Variants in SYTL1 observed in about 807,000 individuals in gnomAD.
SYTL1 encodes the protein synaptotagmin-like protein 1.
SYTL1 carries 53 observed loss-of-function variants against 74.6 expected under a neutral mutation model. That is an observed-to-expected ratio of 0.71 (90% CI 0.57 to 0.89). SYTL1 has a LOEUF of 0.89. SYTL1 is among the 40% of genes least tolerant of loss of function. The probability of loss-of-function intolerance (pLI) is 0.00; values close to 1 mark genes in which losing one functional copy is unlikely to be tolerated. For missense variants in SYTL1, 728 were observed against 768.7 expected, an observed-to-expected ratio of 0.95 and a Z score of 0.63; for synonymous variants, 329 against 324.9, an observed-to-expected ratio of 1.01 and a Z score of -0.14.
Position 27,343,602 on chromosome 1 carries a change from A to T in SYTL1, c.-39+1452A>T, listed in dbSNP as rs540191840. ...GGAGTGAGCAGATGTGTGTGTGTGT[A>T]CGTGTGTGTGTGTGTGTATCTGTCT... On this transcript the variant is annotated intron_variant, in intron 1 of 14. Transcript: ENST00000616558. The surrounding 1 kb of genome is among the most constrained non-coding windows in gnomAD (Gnocchi z 5.2). Among the ~76,000 whole-genome samples, 4 of 142,006 alleles carry T rather than the reference A, an allele frequency of 2.8e-5. No individual in the cohort carries two copies. In the East Asian group the frequency reaches 8.2e-4, roughly 29 times the overall value. The allele number at this position is 142,006 out of a possible 152,430, so 93.2% of individuals were successfully genotyped here.
chr1:27,345,287 C>T lies in SYTL1; in HGVS notation c.-38-10C>T. The stretch of plus-strand genomic sequence containing the variant: ...TGCAGGGCTTGACCTGACCCTCGGT[C>T]TGCCCCCAGGAAGCTCCGTGTGCCC... On this transcript the variant is annotated splice_polypyrimidine_tract_variant and intron_variant, in intron 1 of 14. Coordinates refer to ENST00000616558, the MANE Select transcript of SYTL1 (RefSeq NM_001193308.2). The surrounding 1 kb of genome is among the most constrained non-coding windows in gnomAD (Gnocchi z 6.0). 1 of 1,393,028 alleles carries T rather than the reference C, an allele frequency of 7.2e-7. No homozygotes were observed. The highest frequency in any genetic ancestry group is 3.1e-5 in the Admixed American group (1 of 32,702). The allele number at this position is 1,393,028 out of a possible 1,614,324, so 86.3% of individuals were successfully genotyped here.
chr1:27,351,520 G>A lies in SYTL1; in HGVS notation c.1308G>A (p.Pro436=). 1.3e-6 allele frequency: 2 copies of A among 1,548,208 alleles called. No individual in the cohort carries two copies. Among genetic ancestry groups the A allele is most frequent in the African/African-American group, 1.4e-5 (1 of 73,092 alleles). The change falls in exon 13 of 15, where the codon CCG becomes CCA. Residue 436 remains proline (P), a synonymous_variant. Coordinates refer to ENST00000616558, the MANE Select transcript of SYTL1 (RefSeq NM_001193308.2). The surrounding 1 kb of genome is among the most constrained non-coding windows in gnomAD (Gnocchi z 5.0). ...FWVKEARDLL[P]LRAGSLDTYV... ...TGAAGGAGGCTCGGGACCTCCTGCC[G>A]CTGCGGGCAGGATCCCTGGACACTT...
Position 27,345,017 on chromosome 1 carries a change from T to C in SYTL1, c.-38-280T>C. 1 of 218,386 alleles carries C rather than the reference T, an allele frequency of 4.6e-6. No homozygotes were observed. Among genetic ancestry groups the C allele is most frequent in the Non-Finnish European group, 9.0e-6 (1 of 110,944 alleles). 13.5% of individuals were successfully genotyped at this position (218,386 alleles called of 1,614,324 possible). On this transcript the variant is annotated intron_variant, in intron 1 of 14. Coordinates refer to ENST00000616558, the MANE Select transcript of SYTL1 (RefSeq NM_001193308.2). The surrounding 1 kb of genome is among the most constrained non-coding windows in gnomAD (Gnocchi z 6.0). ...ATCTATGCCTACATGGACCCGCGTGTGCACATGTGTCTGTGTGTTCCATCG... is the reference window on the plus strand; with the variant it reads ...ATCTATGCCTACATGGACCCGCGTGCGCACATGTGTCTGTGTGTTCCATCG...
rs144617341 is a variant in SYTL1 at position 27,350,413 on chromosome 1, G to A, written c.933G>A (p.Pro311=). 10 of 1,613,972 alleles carry A rather than the reference G, an allele frequency of 6.2e-6. No homozygotes were observed. Among genetic ancestry groups the A allele is most frequent in the Non-Finnish European group, 8.5e-6 (10 of 1,180,000 alleles). ...SDPYVKSYLL[P]DKQSKRKTAV... ...GCTACGTCAAAAGCTACCTCCTCCCGGATAAGCAGAGCAAGCGCAAGACGG... is the reference window on the plus strand; with the variant it reads ...GCTACGTCAAAAGCTACCTCCTCCCAGATAAGCAGAGCAAGCGCAAGACGG... Residue 311 remains proline (P), a synonymous_variant, in exon 10 of 15, where the codon CCG becomes CCA. Transcript: ENST00000616558. This position sits in a 1 kb window ranked among gnomAD's most constrained non-coding sequence, Gnocchi z 6.3.
Position 27,351,877 on chromosome 1 carries a change from G to C in SYTL1, c.1343+322G>C. The C allele has an allele frequency of 3.7e-6, 1 of 270,130 alleles. No individual in the cohort carries two copies. The highest frequency in any genetic ancestry group is 9.4e-5 in the South Asian group (1 of 10,694). 16.7% of individuals were successfully genotyped at this position (270,130 alleles called of 1,614,324 possible). On this transcript the variant is annotated intron_variant, in intron 13 of 14. Transcript: ENST00000616558. The surrounding 1 kb of genome is among the most constrained non-coding windows in gnomAD (Gnocchi z 5.0). Reference sequence around the variant, plus strand: ...CTTATAGTTCAGTGTAAGCTTCTAGGGGACTTCTAGGGGTGCCTCCAGGTG... The same window carrying C: ...CTTATAGTTCAGTGTAAGCTTCTAGCGGACTTCTAGGGGTGCCTCCAGGTG...
At chr1:27,346,222 GAC>G (rs2014997728) in intron 2 of SYTL1, among the ~76,000 whole-genome samples, 2 of 151,984 alleles carry the variant, frequency 1.3e-5, no homozygotes, top group Non-Finnish European at 2.9e-5. Context: ...ACTCCGACCC[GAC>G]ACACAGACAC....
Position 27,347,733 on chromosome 1 carries a change from C to A in SYTL1, c.341-75C>A. 1 of 1,545,474 alleles carries A rather than the reference C, an allele frequency of 6.5e-7. No individual in the cohort carries two copies. Among genetic ancestry groups the A allele is most frequent in the East Asian group, 2.3e-5 (1 of 44,288 alleles). ...CCGTGGGCATGGGGTGGGTGGGTAT[C>A]TCCCAGGGCCTCTCCCGAGTCACAG... On this transcript the variant is annotated intron_variant, in intron 3 of 14. Transcript: ENST00000616558. The surrounding 1 kb of genome is among the most constrained non-coding windows in gnomAD (Gnocchi z 4.9).
At position 27,351,427 on chromosome 1, in the gene SYTL1, G is replaced by A; in HGVS notation, c.1244-29G>A. 1.3e-6 allele frequency: 2 copies of A among 1,510,294 alleles called. No individual in the cohort carries two copies. The highest frequency in any genetic ancestry group is 1.8e-6 in the Non-Finnish European group (2 of 1,124,768). The allele number at this position is 1,510,294 out of a possible 1,614,324, so 93.6% of individuals were successfully genotyped here. A position where few individuals can be genotyped will look rare whatever the true frequency, so the allele number is the denominator to read the frequency against. ...TTTGGGGGCGGTGGACTCCATCCGTGTGCGGGCCTGAGCCGAGCCTCTCCG... is the reference window on the plus strand; with the variant it reads ...TTTGGGGGCGGTGGACTCCATCCGTATGCGGGCCTGAGCCGAGCCTCTCCG... On this transcript the variant is annotated intron_variant, in intron 12 of 14. Coordinates refer to ENST00000616558, the MANE Select transcript of SYTL1 (RefSeq NM_001193308.2). The surrounding 1 kb of genome is among the most constrained non-coding windows in gnomAD (Gnocchi z 5.0).
Position 27,342,821 on chromosome 1 carries a change from G to C in SYTL1, c.-39+671G>C, listed in dbSNP as rs1278298366. Reference sequence around the variant, plus strand: ...CACAACAGGGCACAGAGAGGGACGTGGGCTCACACCCCAATCCACAGGGGA... The same window carrying C: ...CACAACAGGGCACAGAGAGGGACGTCGGCTCACACCCCAATCCACAGGGGA... On this transcript the variant is annotated intron_variant, in intron 1 of 14. Transcript: ENST00000616558. This position sits in a 1 kb window ranked among gnomAD's most constrained non-coding sequence, Gnocchi z 4.7. Among the ~76,000 whole-genome samples, 3 of 151,840 alleles carry C rather than the reference G, an allele frequency of 2.0e-5. No homozygotes were observed. Among genetic ancestry groups the C allele is most frequent in the Non-Finnish European group, 4.4e-5 (3 of 67,884 alleles).
In SYTL1 at chr1:27,351,396, C is replaced by T. The variant is rs994667935; in HGVS notation, c.1243+60C>T. ...CCCTGAAAAGCGGGAGACTCCAGTC[C>T]CCGGGTTTGGGGGCGGTGGACTCCA... On this transcript the variant is annotated intron_variant, in intron 12 of 14. Transcript: ENST00000616558. The surrounding 1 kb of genome is among the most constrained non-coding windows in gnomAD (Gnocchi z 5.0). 6.6e-7 allele frequency: 1 copy of T among 1,507,838 alleles called. No individual in the cohort carries two copies. Among genetic ancestry groups the T allele is most frequent in the Non-Finnish European group, 8.9e-7 (1 of 1,123,024 alleles). The allele number at this position is 1,507,838 out of a possible 1,614,324, so 93.4% of individuals were successfully genotyped here. A position where few individuals can be genotyped will look rare whatever the true frequency, so the allele number is the denominator to read the frequency against.
rs746523944 is a variant in SYTL1 at position 27,350,937 on chromosome 1, C to T, written c.1149C>T (p.Leu383=). The T allele has an allele frequency of 1.1e-5, 18 of 1,613,142 alleles. No individual in the cohort carries two copies. Among genetic ancestry groups the T allele is most frequent in the African/African-American group, 4.0e-5 (3 of 75,020 alleles). ...TWDWGSEPTW[L]PLQPRVPPSP... ...ACTGGGGCTCTGAGCCCACCTGGCTCCCCCTGCAGCCCCGGGTGAGGCAGC... is the reference window on the plus strand; with the variant it reads ...ACTGGGGCTCTGAGCCCACCTGGCTTCCCCTGCAGCCCCGGGTGAGGCAGC... The change falls in exon 11 of 15, where the codon CTC becomes CTT. Residue 383 remains leucine, a synonymous_variant. Coordinates refer to ENST00000616558, the MANE Select transcript of SYTL1 (RefSeq NM_001193308.2). This position sits in a 1 kb window ranked among gnomAD's most constrained non-coding sequence, Gnocchi z 6.3.
Position 27,350,475 on chromosome 1 carries a change from A to G in SYTL1, c.995A>G (p.Glu332Gly), listed in dbSNP as rs757619559. The change falls in exon 10 of 15, where the codon GAG (glutamate) becomes GGG (glycine). Residue 332 changes from glutamate (E) to glycine (G), a missense_variant. By Grantham distance (98) the Glu-to-Gly change is moderately conservative. Coordinates refer to ENST00000616558, the MANE Select transcript of SYTL1 (RefSeq NM_001193308.2). The surrounding 1 kb of genome is among the most constrained non-coding windows in gnomAD (Gnocchi z 6.3). ...KKRNLNPVFNETLRYSVPQAE... is the reference protein window; with the variant it reads ...KKRNLNPVFNGTLRYSVPQAE... ...CGGAATCTGAATCCGGTTTTCAACGAGACTCTCCGGGTGAGGCTGTGACCA... is the reference window on the plus strand; with the variant it reads ...CGGAATCTGAATCCGGTTTTCAACGGGACTCTCCGGGTGAGGCTGTGACCA... 3 of 1,613,112 alleles carry G rather than the reference A, an allele frequency of 1.9e-6. No individual in the cohort carries two copies. Among genetic ancestry groups the G allele is most frequent in the Admixed American group, 1.7e-5 (1 of 60,002 alleles).
At position 27,343,564 on chromosome 1, in the gene SYTL1, T is replaced by C. The variant is rs1219033452; in HGVS notation, c.-39+1414T>C. On this transcript the variant is annotated intron_variant, in intron 1 of 14. Transcript: ENST00000616558. The surrounding 1 kb of genome is among the most constrained non-coding windows in gnomAD (Gnocchi z 5.2). Reference sequence around the variant, plus strand: ...GCAGGAGGGGACCCAGGCTGTGAGGTTCCTGGTGCGGGGGAGTGAGCAGAT... The same window carrying C: ...GCAGGAGGGGACCCAGGCTGTGAGGCTCCTGGTGCGGGGGAGTGAGCAGAT... Among the ~76,000 whole-genome samples the C allele has an allele frequency of 6.7e-6, 1 of 149,234 alleles. No homozygotes were observed. Among genetic ancestry groups the C allele is most frequent in the African/African-American group, 2.5e-5 (1 of 40,342 alleles).
At position 27,353,921 on chromosome 1, in the gene SYTL1, T is replaced by G. The variant is rs1202746826; in HGVS notation, c.*69T>G. ...CCTTGGCTAAAGTCAATAAAGTCTA[T>G]TCTAAGAGCAATAAAAGGCTGGTGT... On this transcript the variant is annotated 3_prime_UTR_variant, in exon 15 of 15. Coordinates refer to ENST00000616558, the MANE Select transcript of SYTL1 (RefSeq NM_001193308.2). 7.0e-7 allele frequency: 1 copy of G among 1,432,902 alleles called. No homozygotes were observed. The highest frequency in any genetic ancestry group is 1.4e-5 in the African/African-American group (1 of 70,504). The allele number at this position is 1,432,902 out of a possible 1,614,324, so 88.8% of individuals were successfully genotyped here.
At chr1:27,349,206 G>C in intron 6 of SYTL1, 54 bp downstream of exon 6, 1 of 1,574,290 alleles carries the variant, frequency 6.4e-7, no homozygotes, top group Non-Finnish European at 8.7e-7. Flanking sequence ...GTCAGAGGCA[G>C]CTCTAAGGGG....
In SYTL1 at chr1:27,353,314, C is replaced by G. The variant is rs200249506; in HGVS notation, c.1375C>G (p.Arg459Gly). Residue 459 changes from arginine (R) to glycine (G), a missense_variant, in exon 14 of 15, where the codon CGC becomes GGC. Arg to Gly is a moderately radical substitution (Grantham distance 125, BLOSUM62 -2). Coordinates refer to ENST00000616558, the MANE Select transcript of SYTL1 (RefSeq NM_001193308.2). ...GCTGCCTGATGACAGCCAGGCCAGC[C>G]GCCAGCGTACAAGGGTTGTGCGACG... ...FVLPDDSQAS[R>G]QRTRVVRRSL... The G allele has an allele frequency of 6.2e-7, 1 of 1,604,282 alleles. No individual in the cohort carries two copies. The highest frequency in any genetic ancestry group is 2.3e-5 in the East Asian group (1 of 44,394).
At chr1:27,349,854 C>A in intron 8 of SYTL1, 89 bp downstream of exon 8, 1 of 1,534,474 alleles carries the variant, frequency 6.5e-7, no homozygotes, top group South Asian at 1.2e-5. Flanking sequence ...GCCGCGGGAC[C>A]CACCGCTGCA....
chr1:27,349,433 G>A lies in SYTL1; in HGVS notation c.568G>A (p.Glu190Lys), dbSNP rs1219615452. 5 of 1,453,024 alleles carry A rather than the reference G, an allele frequency of 3.4e-6. No individual in the cohort carries two copies. Among genetic ancestry groups the A allele is most frequent in the East Asian group, 2.5e-5 (1 of 39,776 alleles). 90.0% of individuals were successfully genotyped at this position (1,453,024 alleles called of 1,614,324 possible). ...AGGAGACCAACAGGTCTGTGCCGAG[G>A]AGGCTGACCCGGAGCTGGAGCCCGC... ...GQGDQQVCAE[E>K]ADPELEPASG... is the part of the protein sequence containing the mutation. The change falls in exon 7 of 15, where the codon GAG (glutamate) becomes AAG (lysine). Residue 190 changes from glutamate (E) to lysine (K), a missense_variant. By Grantham distance (56) the Glu-to-Lys change is moderately conservative (BLOSUM62 1). Coordinates refer to ENST00000616558, the MANE Select transcript of SYTL1 (RefSeq NM_001193308.2).
At chr1:27,346,096 A>G (rs2014991233) in intron 2 of SYTL1, among the ~76,000 whole-genome samples, 1 of 151,998 alleles carries the variant, frequency 6.6e-6, no homozygotes. Context: ...CGTCCTTAAT[A>G]TCCCCGCTGA....
Sources: allele counts gnomAD v4.1 joint callset (sites outside exome capture counted in the v4.1 genomes callset), GRCh38; gene constraint gnomAD v4.1.1; non-coding constraint Gnocchi (gnomAD v3.1); transcripts MANE v1.5; gene names NCBI Gene and HGNC (gene_info 2026-07-23, HGNC 2026-07-21).